GALNT1: variants seen among roughly 807,000 people sequenced by gnomAD.
GALNT1 encodes the protein polypeptide N-acetylgalactosaminyltransferase 1.
GALNT1 carries 17 observed loss-of-function variants against 65.7 expected under a neutral mutation model. The ratio of observed to expected loss-of-function variants is 0.26; its 90% CI spans 0.18 to 0.39. GALNT1 has a LOEUF of 0.39. Ranked by LOEUF, GALNT1 falls within the 10% of genes least tolerant of loss-of-function variation. GALNT1 has a pLI of 1.00. For missense variants in GALNT1, 460 were observed against 672.8 expected, an observed-to-expected ratio of 0.68 and a Z score of 3.50; for synonymous variants, 210 against 219.7, an observed-to-expected ratio of 0.96 and a Z score of 0.39.
intron 1 of GALNT1, among the ~76,000 whole-genome samples, chr18:35,613,951 C>T (rs2046750856): frequency 6.6e-6 from 1 of 152,008 alleles, no homozygotes; most frequent in South Asian, 2.1e-4. Context: ...ATGAAATCCT[C>T]ACTGGAGAAA....
chr18:35,594,980 G>A (rs2046487463), intron 1 of GALNT1, among the ~76,000 whole-genome samples: 1 of 152,150 alleles, frequency 6.6e-6, no homozygotes, highest in Non-Finnish European at 1.5e-5. Context: ...TTTGGAAATG[G>A]GGAGGAAGAT....
At chr18:35,704,683 C>T (rs952945824) in intron 11 of GALNT1, among the ~76,000 whole-genome samples, 7 of 151,348 alleles carry the variant, frequency 4.6e-5, no homozygotes, top group African/African-American at 1.2e-4. Flanking sequence ...TCGCTCTTAT[C>T]GCCCAGGCTG....
In GALNT1 at chr18:35,711,458, G is replaced by A. The variant is rs1279338011; in HGVS notation, c.*1688G>A. ...AGCACATGGGGATGCTTTAGGGTGA[G>A]TCTATAGTACAAAATGCATAAACCA... On this transcript the variant is annotated 3_prime_UTR_variant, in exon 12 of 12. Coordinates refer to ENST00000269195, the MANE Select transcript of GALNT1 (RefSeq NM_020474.4). 1 of 152,578 alleles carries A rather than the reference G, an allele frequency of 6.6e-6. No homozygotes were observed. Among genetic ancestry groups the A allele is most frequent in the Non-Finnish European group, 1.5e-5 (1 of 68,036 alleles). 9.5% of individuals were successfully genotyped at this position (152,578 alleles called of 1,614,324 possible).
rs1573367 is a variant in GALNT1, at chr18:35,711,429, A to G, written c.*1659A>G. 0.027 allele frequency: 4,147 copies of G among 152,748 alleles called. 451 individuals carry two copies. In the East Asian group the frequency reaches 0.37, roughly 13 times the overall value. 9.5% of individuals were successfully genotyped at this position (152,748 alleles called of 1,614,324 possible). On this transcript the variant is annotated 3_prime_UTR_variant, in exon 12 of 12. Transcript: ENST00000269195. ...TCATATCCTGTTCAAGTTAATCAAC[A>G]TCAAGCACATGGGGATGCTTTAGGG...
chr18:35,635,776 G>C (rs992912854), intron 1 of GALNT1, among the ~76,000 whole-genome samples: 1 of 151,226 alleles, frequency 6.6e-6, no homozygotes, highest in Admixed American at 6.6e-5. Flanking sequence ...TTTCTTTTAG[G>C]GTGACTTTTG....
intron 1 of GALNT1, among the ~76,000 whole-genome samples, chr18:35,601,974 A>G (rs757249299): frequency 4.1e-4 from 62 of 152,262 alleles, no homozygotes; most frequent in Non-Finnish European, 7.9e-4. Context: ...TGAGCTTTAT[A>G]CCTTCAAATG....
intron 2 of GALNT1, among the ~76,000 whole-genome samples, chr18:35,655,200 T>A (rs549777741): frequency 3.3e-5 from 5 of 152,208 alleles, no homozygotes; most frequent in African/African-American, 1.2e-4. Flanking sequence ...CCCATCTCAT[T>A]CCTAAGGGGA....
intron 1 of GALNT1, among the ~76,000 whole-genome samples, chr18:35,633,938 C>G (rs1598790340): frequency 6.6e-6 from 1 of 152,248 alleles, no homozygotes; most frequent in East Asian, 1.9e-4. Context: ...CCCAGTAATC[C>G]TGTCATGTGA....
At chr18:35,695,973 C>T (rs964803977) in intron 9 of GALNT1, among the ~76,000 whole-genome samples, 4 of 152,258 alleles carry the variant, frequency 2.6e-5, no homozygotes, top group African/African-American at 4.8e-5. Context: ...AGAGTTCGGG[C>T]GTGTGACAAA....
intron 1 of GALNT1, among the ~76,000 whole-genome samples, chr18:35,633,467 T>A (rs137976003): frequency 0.026 from 3,895 of 147,952 alleles, 167 homozygotes; most frequent in African/African-American, 0.094. Context: ...CACCCCATGT[T>A]CTCACTCATA....
At chr18:35,670,864 A>G (rs956619736) in intron 3 of GALNT1, among the ~76,000 whole-genome samples, 20 of 152,192 alleles carry the variant, frequency 1.3e-4, no homozygotes, top group African/African-American at 4.8e-4. Context: ...TAGGAGAAGG[A>G]TGATCTTCTA....
intron 1 of GALNT1, among the ~76,000 whole-genome samples, chr18:35,595,314 G>C (rs1051935841): frequency 6.6e-6 from 1 of 152,130 alleles, no homozygotes; most frequent in South Asian, 2.1e-4. Context: ...AGAGATGCTG[G>C]CCCTGACCTG....
intron 3 of GALNT1, among the ~76,000 whole-genome samples, chr18:35,675,902 G>C (rs1021994794): frequency 6.6e-6 from 1 of 152,070 alleles, no homozygotes. Flanking sequence ...CTTATTCCAG[G>C]AGTCTGTGCA....
chr18:35,583,239 A>G (rs1598777019), intron 1 of GALNT1, among the ~76,000 whole-genome samples: 1 of 152,196 alleles, frequency 6.6e-6, no homozygotes, highest in South Asian at 2.1e-4. Context: ...GACTCAAGTA[A>G]TGCAGAATGT....
At chr18:35,708,974 A>C (rs1315032548) in intron 11 of GALNT1, among the ~76,000 whole-genome samples, 1 of 152,204 alleles carries the variant, frequency 6.6e-6, no homozygotes, top group East Asian at 1.9e-4. Flanking sequence ...TCAACTCCAC[A>C]TTCCTGTGCT....
chr18:35,684,912 C>G (rs988858399), intron 5 of GALNT1, among the ~76,000 whole-genome samples: 4 of 152,140 alleles, frequency 2.6e-5, no homozygotes, highest in Admixed American at 6.5e-5. Context: ...TAGCAAACAC[C>G]TGTATAAAGC....
At chr18:35,587,013 CATT>C (rs1255981069) in intron 1 of GALNT1, among the ~76,000 whole-genome samples, 1 of 152,148 alleles carries the variant, frequency 6.6e-6, no homozygotes, top group Non-Finnish European at 1.5e-5. Context: ...CTTTCATCAG[CATT>C]GTGTAGTTTT....
chr18:35,687,064 T>A lies in GALNT1; in HGVS notation c.738T>A (p.Phe246Leu), dbSNP rs1192109861. The A allele has an allele frequency of 6.2e-7, 1 of 1,613,824 alleles. No individual in the cohort carries two copies. The highest frequency in any genetic ancestry group is 2.2e-5 in the East Asian group (1 of 44,882). Residue 246 changes from phenylalanine (F) to leucine (L), a missense_variant, in exon 6 of 12, where the codon TTT (phenylalanine) becomes TTA (leucine). Transcript: ENST00000269195. Reference sequence around the variant, plus strand: ...TCGATGTGATCAGTGATGATACTTTTGAGTACATGGCAGGCTCTGATATGA... The same window carrying A: ...TCGATGTGATCAGTGATGATACTTTAGAGTACATGGCAGGCTCTGATATGA... ...PIIDVISDDT[F>L]EYMAGSDMTY...
chr18:35,603,655 C>T (rs545129164), intron 1 of GALNT1, among the ~76,000 whole-genome samples: 20 of 152,260 alleles, frequency 1.3e-4, no homozygotes, highest in Admixed American at 9.2e-4. Flanking sequence ...TGGCTGTCCT[C>T]GTAGTGGCAT....
Sources: allele counts gnomAD v4.1 joint callset (sites outside exome capture counted in the v4.1 genomes callset), GRCh38; gene constraint gnomAD v4.1.1; transcripts MANE v1.5; gene names NCBI Gene and HGNC (gene_info 2026-07-23, HGNC 2026-07-21).